TUBB6: variants seen among roughly 807,000 people sequenced by gnomAD.
TUBB6 encodes the protein tubulin beta-6 chain.
Under a neutral mutation model 32.3 loss-of-function variants are expected in TUBB6, and 18 were observed. That is an observed-to-expected ratio of 0.56 (90% CI 0.39 to 0.83). TUBB6 has a LOEUF of 0.83. TUBB6 is among the 40% of genes least tolerant of loss of function. TUBB6 has a pLI of 0.00. For missense variants in TUBB6, 480 were observed against 632.0 expected, an observed-to-expected ratio of 0.76 and a Z score of 2.58; for synonymous variants, 280 against 265.8, an observed-to-expected ratio of 1.05 and a Z score of -0.52.
chr18:12,324,678 T>C (rs907956554), intron 3 of TUBB6: 20 of 765,130 alleles, frequency 2.6e-5, no homozygotes, highest in Admixed American at 1.2e-4. Context: ...CTCTAACTCC[T>C]GACTTCAAGT....
chr18:12,321,722 T>C (rs1460797047), intron 3 of TUBB6, among the ~76,000 whole-genome samples: 1 of 152,206 alleles, frequency 6.6e-6, no homozygotes, highest in Non-Finnish European at 1.5e-5. Flanking sequence ...AATGCAAGTT[T>C]TTATGACTTG....
chr18:12,329,334 A>T (rs969378273), downstream of TUBB6: 6 of 673,242 alleles, frequency 8.9e-6, no homozygotes, highest in Non-Finnish European at 1.3e-5. Flanking sequence ...CTGGGAGCCC[A>T]ATGAGGCTAT....
chr18:12,319,990 A>G (rs923702407), intron 3 of TUBB6, among the ~76,000 whole-genome samples: 4 of 151,948 alleles, frequency 2.6e-5, no homozygotes, highest in Non-Finnish European at 2.9e-5. Context: ...GGGTTTCACC[A>G]TGTTAGCGAG....
At chr18:12,319,149 C>A in intron 3 of TUBB6, among the ~76,000 whole-genome samples, 1 of 141,604 alleles carries the variant, frequency 7.1e-6, no homozygotes, top group East Asian at 2.1e-4. Flanking sequence ...TTTTTTTTTT[C>A]TTTTTTTTTT....
At chr18:12,310,490 C>A (rs1172070561) in intron 2 of TUBB6, among the ~76,000 whole-genome samples, 8 of 104,372 alleles carry the variant, frequency 7.7e-5, no homozygotes, top group African/African-American at 1.8e-4. Flanking sequence ...GACTCCATCG[C>A]AAAAAAAAAA....
intron 3 of TUBB6, among the ~76,000 whole-genome samples, chr18:12,314,737 T>G (rs1236692048): frequency 1.3e-5 from 2 of 152,200 alleles, no homozygotes; most frequent in Non-Finnish European, 2.9e-5. Flanking sequence ...TGTAGCAGTT[T>G]ACAACACAGA....
At chr18:12,319,205 G>A (rs1439076341) in intron 3 of TUBB6, among the ~76,000 whole-genome samples, 1 of 149,854 alleles carries the variant, frequency 6.7e-6, no homozygotes, top group African/African-American at 2.5e-5. Flanking sequence ...GTGCAATGGC[G>A]CAATCTCGGC....
downstream of TUBB6, chr18:12,329,801 T>G (rs746404423): frequency 6.3e-7 from 1 of 1,592,022 alleles, no homozygotes; most frequent in Non-Finnish European, 8.6e-7. Flanking sequence ...ATGAACAATT[T>G]TCATTAAATA....
intron 3 of TUBB6, chr18:12,324,846 T>C (rs1180405179): frequency 3.6e-6 from 5 of 1,379,890 alleles, no homozygotes; most frequent in Middle Eastern, 2.7e-4. Flanking sequence ...GGTCAAAATG[T>C]ATATACATCT....
chr18:12,321,342 C>A (rs1429920471), intron 3 of TUBB6, among the ~76,000 whole-genome samples: 3 of 152,190 alleles, frequency 2.0e-5, no homozygotes, highest in Non-Finnish European at 4.4e-5. Flanking sequence ...CTTCATCCCC[C>A]CCAAGAGTAG....
chr18:12,319,997 C>T (rs763549382), intron 3 of TUBB6, among the ~76,000 whole-genome samples: 11 of 151,946 alleles, frequency 7.2e-5, no homozygotes, highest in Non-Finnish European at 1.5e-4. Context: ...ACCATGTTAG[C>T]GAGGATGGTC....
intron 2 of TUBB6, among the ~76,000 whole-genome samples, chr18:12,310,081 G>A (rs1460423028): frequency 6.6e-6 from 1 of 152,112 alleles, no homozygotes; most frequent in Non-Finnish European, 1.5e-5. Context: ...GGAAGTCAGG[G>A]GACTTGATTT....
intron 3 of TUBB6, among the ~76,000 whole-genome samples, chr18:12,324,263 G>A (rs532174054): frequency 6.6e-6 from 1 of 151,936 alleles, no homozygotes; most frequent in Non-Finnish European, 1.5e-5. Flanking sequence ...CCGGCTACAC[G>A]GGAGGCTGAG....
rs1000996202 is a variant in TUBB6 at position 12,311,926 on chromosome 18, T to TA, written c.277+884dup. ...ACCACATATCTATTGACATTATTGC[T>TA]AAAAAAAAAAATTCCTCACTCAATC... On this transcript the variant is annotated intron_variant, in intron 3 of 3. Coordinates refer to ENST00000317702, the MANE Select transcript of TUBB6 (RefSeq NM_032525.3). Among the ~76,000 whole-genome samples, 176 of 147,890 alleles carry TA rather than the reference T, an allele frequency of 1.2e-3. 1 individual carries two copies. Among genetic ancestry groups the TA allele is most frequent in the African/African-American group, 3.5e-3 (140 of 40,566 alleles).
intron 3 of TUBB6, among the ~76,000 whole-genome samples, chr18:12,316,687 C>T (rs537658148): frequency 6.6e-6 from 1 of 152,202 alleles, no homozygotes; most frequent in South Asian, 2.1e-4. Flanking sequence ...TATTGTTTAG[C>T]TAAATAGTTT....
intron 3 of TUBB6, among the ~76,000 whole-genome samples, chr18:12,317,566 C>A (rs1906743161): frequency 6.6e-6 from 1 of 152,234 alleles, no homozygotes; most frequent in Non-Finnish European, 1.5e-5. Context: ...GAATGAAGCA[C>A]CAGAAAGGTA....
intron 3 of TUBB6, among the ~76,000 whole-genome samples, chr18:12,318,523 G>T (rs539345049): frequency 6.6e-6 from 1 of 151,918 alleles, no homozygotes; most frequent in East Asian, 1.9e-4. Context: ...CATCTGCCTA[G>T]CCCGGCCCCT....
chr18:12,312,808 T>C (rs1906458610), intron 3 of TUBB6, among the ~76,000 whole-genome samples: 1 of 152,014 alleles, frequency 6.6e-6, no homozygotes, highest in African/African-American at 2.4e-5. Context: ...GAGACCAGCC[T>C]GACCAACATG....
chr18:12,327,390 A>G (rs1876578422), downstream of TUBB6, among the ~76,000 whole-genome samples: 2 of 152,164 alleles, frequency 1.3e-5, no homozygotes, highest in African/African-American at 4.8e-5. Flanking sequence ...GTACAACCAC[A>G]ACACCACCCT....
Sources: allele counts gnomAD v4.1 joint callset (sites outside exome capture counted in the v4.1 genomes callset), GRCh38; gene constraint gnomAD v4.1.1; transcripts MANE v1.5; gene names NCBI Gene and HGNC (gene_info 2026-07-23, HGNC 2026-07-21).